The following CFAP300 variants were observed in gnomAD, a reference collection of about 807,000 sequenced individuals.
CFAP300 encodes cilia and flagella associated protein 300, also known as cilia- and flagella-associated protein 300.
Under a neutral mutation model 33.0 loss-of-function variants are expected in CFAP300, and 32 were observed. That is an observed-to-expected ratio of 0.97 (90% CI 0.73 to 1.30). The LOEUF is 1.30. Ranked by LOEUF, CFAP300 falls within the 50% of genes most tolerant of loss-of-function variation. CFAP300 has a pLI of 0.00. For missense variants in CFAP300, 356 were observed against 318.1 expected (o/e 1.12, Z -0.90); for synonymous variants, 102 against 106.8 (o/e 0.95, Z 0.28).
chr11:102,065,950 A>G (rs1041930060), intron 3 of CFAP300, among the ~76,000 whole-genome samples: 1 of 150,736 alleles, frequency 6.6e-6, no homozygotes, highest in Non-Finnish European at 1.5e-5. Context: ...TAGTCCAGAA[A>G]TGGTGAGATT....
At chr11:102,052,822 G>A (rs10791554) in intron 2 of CFAP300, among the ~76,000 whole-genome samples, 81,590 of 151,808 alleles carry the variant, frequency 0.54, 22,762 homozygotes, top group East Asian at 0.75. Context: ...TACAACAGTA[G>A]CCTTCCTCCT....
rs544755461 is a variant in CFAP300, at chr11:102,077,900, A to T, written c.608+1855A>T. ...TATTTTATTTATTTTTTATCTTTTTATTTTTTTTGAGACAGGGTCTCACTC... is the reference window on the plus strand; with the variant it reads ...TATTTTATTTATTTTTTATCTTTTTTTTTTTTTTGAGACAGGGTCTCACTC... On this transcript the variant is annotated intron_variant, in intron 5 of 6. Coordinates refer to ENST00000434758, the MANE Select transcript of CFAP300 (RefSeq NM_032930.3). Among the ~76,000 whole-genome samples the T allele has an allele frequency of 4.6e-3, 687 of 150,302 alleles. 2 individuals are homozygous for T. Among genetic ancestry groups the T allele is most frequent in the Non-Finnish European group, 7.9e-3 (531 of 67,584 alleles).
chr11:102,083,170 C>T lies in CFAP300; in HGVS notation c.775C>T (p.His259Tyr). The T allele has an allele frequency of 2.6e-6, 4 of 1,544,936 alleles. No homozygotes were observed. The highest frequency in any genetic ancestry group is 1.4e-5 in the African/African-American group (1 of 72,700). ...CAGGCGTCACCTTCATGTTTTATAC[C>T]ACTGTTATGGTGTGGGAGACATGTC... The part of the protein sequence containing the change: ...PIRRHLHVLY[H>Y]CYGVGDMS Residue 259 changes from histidine (H) to tyrosine (Y), a missense_variant, in exon 7 of 7, where the codon CAC becomes TAC. By Grantham distance (83) the His-to-Tyr change is moderately conservative. Coordinates refer to ENST00000434758, the MANE Select transcript of CFAP300 (RefSeq NM_032930.3).
At chr11:102,047,953 CA>C in intron 2 of CFAP300, 57 bp downstream of exon 2, 2 of 1,552,198 alleles carry the variant, frequency 1.3e-6, no homozygotes, top group East Asian at 2.3e-5. Context: ...AACTTCCCCC[CA>C]AGTTGGCATA....
chr11:102,077,764 G>A (rs1277277403), intron 5 of CFAP300, among the ~76,000 whole-genome samples: 1 of 152,146 alleles, frequency 6.6e-6, no homozygotes, highest in Non-Finnish European at 1.5e-5. Context: ...TCATAGAGAC[G>A]GGGTTTTATC....
chr11:102,067,236 G>A (rs1942242713), intron 4 of CFAP300, among the ~76,000 whole-genome samples: 1 of 152,130 alleles, frequency 6.6e-6, no homozygotes, highest in South Asian at 2.1e-4. Flanking sequence ...TGCCTGGAAG[G>A]CTGAAGTCCC....
intron 4 of CFAP300, 40 bp from the exon 5 acceptor site, chr11:102,075,833 C>A: frequency 1.4e-6 from 2 of 1,467,558 alleles, no homozygotes; most frequent in South Asian, 1.3e-5. Context: ...AAGTAAAAAT[C>A]TTGAGTTATG....
intron 4 of CFAP300, among the ~76,000 whole-genome samples, chr11:102,073,508 G>A (rs969467348): frequency 1.3e-5 from 2 of 152,184 alleles, no homozygotes; most frequent in African/African-American, 4.8e-5. Flanking sequence ...GTACATTCAG[G>A]CGGATCCTCT....
chr11:102,078,118 T>A (rs941547567), intron 5 of CFAP300, among the ~76,000 whole-genome samples: 1 of 151,882 alleles, frequency 6.6e-6, no homozygotes, highest in Non-Finnish European at 1.5e-5. Flanking sequence ...GTCTCAAACT[T>A]CTGGACTCAG....
chr11:102,050,114 A>C (rs1191296587), intron 2 of CFAP300, among the ~76,000 whole-genome samples: 1 of 152,132 alleles, frequency 6.6e-6, no homozygotes, highest in Non-Finnish European at 1.5e-5. Context: ...TGGGTGACAA[A>C]GTAAGACCCT....
intron 2 of CFAP300, among the ~76,000 whole-genome samples, chr11:102,056,362 A>G (rs1349814246): frequency 2.0e-5 from 3 of 152,192 alleles, no homozygotes; most frequent in Non-Finnish European, 4.4e-5. Flanking sequence ...GCATGTTTTT[A>G]TTGTTCAAGA....
intron 3 of CFAP300, among the ~76,000 whole-genome samples, chr11:102,059,745 A>G (rs182029129): frequency 6.6e-6 from 1 of 152,282 alleles, no homozygotes; most frequent in Admixed American, 6.5e-5. Flanking sequence ...ATATTTGGGC[A>G]AAATCTAAAT....
intron 5 of CFAP300, among the ~76,000 whole-genome samples, chr11:102,077,119 C>A (rs1942406539): frequency 6.6e-6 from 1 of 152,164 alleles, no homozygotes; most frequent in Non-Finnish European, 1.5e-5. Flanking sequence ...TGCACGTACA[C>A]ACATACTACT....
intron 4 of CFAP300, among the ~76,000 whole-genome samples, chr11:102,069,669 G>A (rs1398876480): frequency 1.3e-5 from 2 of 152,042 alleles, no homozygotes; most frequent in African/African-American, 4.8e-5. Context: ...CAGACATGGT[G>A]GCATGCGCCT....
intron 4 of CFAP300, among the ~76,000 whole-genome samples, chr11:102,068,669 C>T (rs758614989): frequency 2.0e-5 from 3 of 152,146 alleles, no homozygotes; most frequent in Admixed American, 6.5e-5. Context: ...TGCCTCTAAT[C>T]TCAGCTACTT....
chr11:102,082,697 A>G (rs1350001224), intron 6 of CFAP300, among the ~76,000 whole-genome samples: 1 of 152,204 alleles, frequency 6.6e-6, no homozygotes, highest in Non-Finnish European at 1.5e-5. Flanking sequence ...ATGTAGTTGT[A>G]TACTAACTAA....
intron 5 of CFAP300, among the ~76,000 whole-genome samples, chr11:102,076,941 A>G (rs1942403601): frequency 6.6e-6 from 1 of 152,210 alleles, no homozygotes; most frequent in African/African-American, 2.4e-5. Flanking sequence ...TTGGAAGAAG[A>G]TATGTTAGAA....
At chr11:102,069,564 A>T (rs1942278921) in intron 4 of CFAP300, among the ~76,000 whole-genome samples, 1 of 152,114 alleles carries the variant, frequency 6.6e-6, no homozygotes, top group South Asian at 2.1e-4. Context: ...GCACTTTGGG[A>T]GGCAGAGGCG....
Position 102,081,197 on chromosome 11 carries a change from T to C in CFAP300, c.609-18T>C, listed in dbSNP as rs1269464567. 1.9e-6 allele frequency: 3 copies of C among 1,586,392 alleles called. No homozygotes were observed. The highest frequency in any genetic ancestry group is 1.7e-6 in the Non-Finnish European group (2 of 1,167,004). ...ATGCCTATTATATGTTAAAAGCACC[T>C]TTTCTTCCTTTTTTTAGTGTTCGAA... On this transcript the variant is annotated intron_variant, in intron 5 of 6. Transcript: ENST00000434758.
Sources: allele counts gnomAD v4.1 joint callset (sites outside exome capture counted in the v4.1 genomes callset), GRCh38; gene constraint gnomAD v4.1.1; transcripts MANE v1.5; gene names NCBI Gene and HGNC (gene_info 2026-07-23, HGNC 2026-07-21).